Variants in COL16A1 observed in about 807,000 individuals in gnomAD.
COL16A1 encodes collagen alpha-1(XVI) chain.
COL16A1 carries 189 observed loss-of-function variants against 266.3 expected under a neutral mutation model. The ratio of observed to expected loss-of-function variants is 0.71; its 90% confidence interval spans 0.63 to 0.80. The LOEUF is 0.80. COL16A1 is among the 30% of genes least tolerant of loss of function. COL16A1 has a pLI of 0.00. For synonymous variants in COL16A1, 740 were observed against 782.3 expected, an observed-to-expected ratio of 0.95 and a Z score of 0.90; for missense variants, 1,928 against 2,122.4, an observed-to-expected ratio of 0.91 and a Z score of 1.80.
Position 31,657,395 on chromosome 1 carries a change from G to T in COL16A1, c.4021-327C>A. On this transcript the variant is annotated intron_variant, in intron 64 of 70. Transcript: ENST00000373672. The surrounding 1 kb of genome is among the most constrained non-coding windows in gnomAD (Gnocchi z 6.4). The stretch of plus-strand genomic sequence containing the variant: ...TCTGAATCTATGTTAAACGTTTGCT[G>T]AATGAACACATGAACAGCCTGAGCC... 2.8e-6 allele frequency: 1 copy of T among 357,114 alleles called. No individual in the cohort carries two copies. Among genetic ancestry groups the T allele is most frequent in the East Asian group, 4.6e-5 (1 of 21,816 alleles). 22.1% of individuals were successfully genotyped at this position (357,114 alleles called of 1,614,324 possible).
At chr1:31,674,515 C>T (rs1019954046) in intron 44 of COL16A1, among the ~76,000 whole-genome samples, 3 of 152,232 alleles carry the variant, frequency 2.0e-5, no homozygotes, top group South Asian at 2.1e-4. Context: ...TGACCAGGTC[C>T]GAAGTCCCCT....
intron 26 of COL16A1, among the ~76,000 whole-genome samples, chr1:31,686,615 G>A (rs1177145523): frequency 6.6e-6 from 1 of 152,248 alleles, no homozygotes; most frequent in Admixed American, 6.5e-5. Flanking sequence ...AGACAGCAGT[G>A]AGCAGGACAA....
intron 44 of COL16A1, chr1:31,673,369 C>T (rs1328113243): frequency 1.2e-5 from 2 of 162,304 alleles, no homozygotes; most frequent in African/African-American, 2.4e-5. Flanking sequence ...CTTTAACCTT[C>T]TTTGGGTCAC....
intron 30 of COL16A1, 42 bp from the exon 31 acceptor site, chr1:31,684,672 CG>C (rs1386364427): frequency 6.2e-7 from 1 of 1,609,176 alleles, no homozygotes; most frequent in South Asian, 1.1e-5. Context: ...ATGGCCCAGC[CG>C]GGGGCAGGTT....
At chr1:31,696,585 G>A (rs1644512694) in intron 8 of COL16A1, among the ~76,000 whole-genome samples, 1 of 152,236 alleles carries the variant, frequency 6.6e-6, no homozygotes, top group Non-Finnish European at 1.5e-5. Context: ...CCATCCCTGG[G>A]GGGAAGCAGT....
chr1:31,693,430 C>T (rs564949574), intron 12 of COL16A1, among the ~76,000 whole-genome samples: 1 of 152,266 alleles, frequency 6.6e-6, no homozygotes, highest in Non-Finnish European at 1.5e-5. Context: ...CACACCCGTA[C>T]CCAAGCACAT....
intron 42 of COL16A1, among the ~76,000 whole-genome samples, chr1:31,678,215 C>T (rs1044317829): frequency 7.2e-5 from 11 of 152,130 alleles, no homozygotes; most frequent in Non-Finnish European, 1.5e-4. Flanking sequence ...AGGGAAGATA[C>T]AAAATCTATC....
chr1:31,695,308 A>G (rs1467379497), intron 10 of COL16A1, 87 bp from the exon 11 acceptor site: 9 of 1,298,464 alleles, frequency 6.9e-6, no homozygotes, highest in African/African-American at 2.9e-5. Flanking sequence ...CCCACAGAAC[A>G]TCACACATAT....
chr1:31,699,968 A>G, intron 3 of COL16A1, 38 bp from the exon 4 acceptor site: 1 of 1,601,570 alleles, frequency 6.2e-7, no homozygotes, highest in African/African-American at 1.3e-5. Context: ...TCAGCTGAGC[A>G]GGTGGAGAGG....
chr1:31,675,026 A>G lies in COL16A1; in HGVS notation c.2840T>C (p.Ile947Thr), dbSNP rs747656191. The change falls in exon 44 of 71, where the codon ATT becomes ACT. Residue 947 changes from isoleucine to threonine, a missense_variant. Ile to Thr is a moderately conservative substitution (Grantham distance 89). This residue lies in a region of COL16A1 where 1,552 missense variants were observed against 1,637.2 expected (regional missense o/e 0.95). Transcript: ENST00000373672. ...TCTTACCTTAAGGAGGTGCTGTTCA[A>G]TTGGTAAGGATCCCTGCAAGAGACA... ...GLTAELGSLP[I>T]EQHLLKSICG... The G allele has an allele frequency of 3.1e-6, 5 of 1,613,112 alleles. No homozygotes were observed. Among genetic ancestry groups the G allele is most frequent in the Admixed American group, 1.7e-5 (1 of 59,926 alleles).
chr1:31,658,085 C>T (rs985803314), intron 64 of COL16A1, among the ~76,000 whole-genome samples: 2 of 152,238 alleles, frequency 1.3e-5, no homozygotes, highest in Admixed American at 6.5e-5. Flanking sequence ...TAGTGTTAAA[C>T]GTGAGCTGAG....
chr1:31,690,107 G>A lies in COL16A1; in HGVS notation c.1510-256C>T. Reference sequence around the variant, plus strand: ...TGACTGTGCCCCACTGACAGACATGGAAACTTGGGCTAAGAGAGAAGCTAA... The same window carrying A: ...TGACTGTGCCCCACTGACAGACATGAAAACTTGGGCTAAGAGAGAAGCTAA... On this transcript the variant is annotated intron_variant, in intron 22 of 70. Coordinates refer to ENST00000373672, the MANE Select transcript of COL16A1 (RefSeq NM_001856.4). The A allele has an allele frequency of 1.6e-5, 10 of 637,220 alleles. No homozygotes were observed. In the South Asian group the frequency reaches 2.0e-4, roughly 13 times the overall value. The allele number at this position is 637,220 out of a possible 1,614,324, so 39.5% of individuals were successfully genotyped here.
chr1:31,681,770 G>A (rs765827075), intron 37 of COL16A1, among the ~76,000 whole-genome samples: 4 of 152,200 alleles, frequency 2.6e-5, no homozygotes, highest in Non-Finnish European at 4.4e-5. Context: ...TGTGGGCTCC[G>A]CCACCTTCAC....
In COL16A1 at chr1:31,698,055, T is replaced by A. The variant is rs752754398; in HGVS notation, c.508A>T (p.Lys170Ter). ...CGTCCAGCCACACTCAGCATCAGCT[T>A]GTGCCAACGCAAGTCGAAGAGCTGG... ...VPQLFDLRWH[K>*]LMLSVAGRVA... Residue 170 changes from lysine (K) to a stop codon, truncating the protein, a stop_gained, in exon 6 of 71, where the codon AAG becomes TAG. Coordinates refer to ENST00000373672, the MANE Select transcript of COL16A1 (RefSeq NM_001856.4). LOFTEE classifies it high-confidence loss of function. This position sits in a 1 kb window ranked among gnomAD's most constrained non-coding sequence, Gnocchi z 4.1. 3 of 1,613,962 alleles carry A rather than the reference T, an allele frequency of 1.9e-6. No individual in the cohort carries two copies. The highest frequency in any genetic ancestry group is 2.5e-6 in the Non-Finnish European group (3 of 1,180,038).
rs76338131 is a variant in COL16A1 at position 31,694,461 on chromosome 1, C to T, written c.982-291G>A. Among the ~76,000 whole-genome samples the T allele has an allele frequency of 1.1e-4, 17 of 152,312 alleles. No individual in the cohort carries two copies. The East Asian group carries it at 3.3e-3, about 29-fold the overall frequency. On this transcript the variant is annotated intron_variant, in intron 11 of 70. Transcript: ENST00000373672. ...CTTGGTTTCCATGGTAACCTCTGCA[C>T]ATCTGGGGACCATCAGTCTTAACAG...
chr1:31,695,708 G>A, intron 10 of COL16A1, 53 bp downstream of exon 10: 1 of 1,588,800 alleles, frequency 6.3e-7, no homozygotes, highest in Non-Finnish European at 8.6e-7. Flanking sequence ...AAAGCCTGGT[G>A]CAAAGGGTTC....
chr1:31,689,200 G>T, intron 23 of COL16A1, 115 bp from the exon 24 acceptor site: 1 of 1,516,292 alleles, frequency 6.6e-7, no homozygotes, highest in East Asian at 2.4e-5. Context: ...AACACCTAGG[G>T]GTCCCATGGG....
At position 31,662,404 on chromosome 1, in the gene COL16A1, G is replaced by A. The variant is rs1641754806; in HGVS notation, c.3628-17C>T. ...GGCGGGGCCCTGGAAACAGGAAAGA[G>A]GCATTTCTACATGCTGGTGCGGGAG... On this transcript the variant is annotated splice_polypyrimidine_tract_variant and intron_variant, in intron 57 of 70. Coordinates refer to ENST00000373672, the MANE Select transcript of COL16A1 (RefSeq NM_001856.4). 2 of 1,609,300 alleles carry A rather than the reference G, an allele frequency of 1.2e-6. No individual in the cohort carries two copies. The highest frequency in any genetic ancestry group is 1.3e-5 in the African/African-American group (1 of 74,744).
intron 44 of COL16A1, among the ~76,000 whole-genome samples, chr1:31,674,083 G>A (rs963167132): frequency 1.3e-5 from 2 of 152,162 alleles, no homozygotes; most frequent in Admixed American, 6.5e-5. Context: ...AGGTTACCCC[G>A]ACCTCCTCTG....
Sources: gnomAD v4.1 joint callset for allele counts (sites outside exome capture counted in the v4.1 genomes callset) on GRCh38, gnomAD v4.1.1 for gene constraint, gnomAD v4.1.1 regional missense constraint, Gnocchi (gnomAD v3.1) non-coding constraint, MANE v1.5 for transcripts, NCBI Gene and HGNC (gene_info 2026-07-23, HGNC 2026-07-21) for gene names.